Variants in JAZF1 observed in about 807,000 individuals in gnomAD.
JAZF1 encodes the protein JAZF zinc finger 1, also known as juxtaposed with another zinc finger protein 1.
In JAZF1, 8 loss-of-function variants were observed where a neutral mutation model predicts 26.4. The observed-to-expected ratio is 0.30, with a 90% CI of 0.18 to 0.55. The LOEUF (loss-of-function observed/expected upper bound fraction) is 0.55. Ranked by LOEUF, JAZF1 falls within the 20% of genes least tolerant of loss-of-function variation. The pLI, the probability that JAZF1 is intolerant of heterozygous loss-of-function variation, is 0.94. For synonymous variants in JAZF1, 126 were observed against 122.3 expected (o/e 1.03, Z -0.20); for missense variants, 199 against 322.0 (o/e 0.62, Z 2.92).
chr7:28,144,284 T>C (rs1321175326), intron 1 of JAZF1, among the ~76,000 whole-genome samples: 2 of 152,158 alleles, frequency 1.3e-5, no homozygotes, highest in Non-Finnish European at 2.9e-5. Flanking sequence ...CTCCAAAAGG[T>C]TGACATATTA....
At chr7:28,063,034 A>G (rs917759677) in intron 1 of JAZF1, among the ~76,000 whole-genome samples, 52 of 152,336 alleles carry the variant, frequency 3.4e-4, no homozygotes, top group African/African-American at 1.2e-3. Context: ...GAAAACATCT[A>G]AGCTTATTTT....
At chr7:27,969,141 C>T (rs1298147659) in intron 2 of JAZF1, among the ~76,000 whole-genome samples, 1 of 152,150 alleles carries the variant, frequency 6.6e-6, no homozygotes, top group Non-Finnish European at 1.5e-5. Context: ...TTCTGAGAGA[C>T]ACAACTATTG....
intron 1 of JAZF1, among the ~76,000 whole-genome samples, chr7:28,055,056 C>T (rs187962685): frequency 4.6e-5 from 7 of 152,052 alleles, no homozygotes; most frequent in Admixed American, 3.9e-4. Flanking sequence ...ACTTAGAATT[C>T]GTGTACTACA....
intron 2 of JAZF1, among the ~76,000 whole-genome samples, chr7:27,924,993 G>T (rs890671236): frequency 6.6e-6 from 1 of 152,082 alleles, no homozygotes; most frequent in Non-Finnish European, 1.5e-5. Context: ...TTAAAAATAG[G>T]GTTATTCCCT....
At chr7:28,102,853 A>G (rs1481429869) in intron 1 of JAZF1, among the ~76,000 whole-genome samples, 3 of 152,218 alleles carry the variant, frequency 2.0e-5, no homozygotes, top group African/African-American at 4.8e-5. Flanking sequence ...TAGTACAAAC[A>G]CAATACCACC....
Position 28,126,289 on chromosome 7 carries a change from G to T in JAZF1, c.115+54174C>A, listed in dbSNP as rs535038106. 2.6e-5 allele frequency among the ~76,000 whole-genome samples: 4 copies of T among 152,318 alleles called. No homozygotes were observed. The South Asian group carries it at 8.3e-4, about 32-fold the overall frequency. On this transcript the variant is annotated intron_variant, in intron 1 of 4. Coordinates refer to ENST00000283928, the MANE Select transcript of JAZF1 (RefSeq NM_175061.4). The stretch of plus-strand genomic sequence containing the variant: ...ATGATCTTAGGGAGCTGGAGACACA[G>T]AAGTGAATTAGAAAAAGTTCCTACT...
chr7:28,095,193 C>G (rs1001402957), intron 1 of JAZF1, among the ~76,000 whole-genome samples: 1 of 152,214 alleles, frequency 6.6e-6, no homozygotes, highest in Non-Finnish European at 1.5e-5. Context: ...AATCATTCTA[C>G]ATATTTGTTC....
chr7:27,922,546 G>A (rs918076732), intron 2 of JAZF1, among the ~76,000 whole-genome samples: 2 of 152,144 alleles, frequency 1.3e-5, no homozygotes, highest in South Asian at 2.1e-4. Flanking sequence ...ACCGCGCCAG[G>A]CCTTATAAAA....
chr7:28,070,357 C>T (rs1425938977), intron 1 of JAZF1, among the ~76,000 whole-genome samples: 7 of 152,160 alleles, frequency 4.6e-5, no homozygotes, highest in Non-Finnish European at 8.8e-5. Flanking sequence ...AAGTTGAAAA[C>T]ATACATGTGG....
intron 3 of JAZF1, among the ~76,000 whole-genome samples, chr7:27,859,868 A>G (rs1255410949): frequency 5.9e-5 from 9 of 152,222 alleles, no homozygotes; most frequent in Non-Finnish European, 1.5e-5. Flanking sequence ...AAAGTATAAT[A>G]AAAAAAGAAA....
At chr7:28,024,266 G>A (rs1232526046) in intron 1 of JAZF1, among the ~76,000 whole-genome samples, 4 of 152,166 alleles carry the variant, frequency 2.6e-5, no homozygotes, top group Non-Finnish European at 5.9e-5. Flanking sequence ...CCACATTCCA[G>A]TTTGGGTGAT....
At chr7:27,898,070 T>C (rs984002853) in intron 2 of JAZF1, among the ~76,000 whole-genome samples, 3 of 152,138 alleles carry the variant, frequency 2.0e-5, no homozygotes, top group African/African-American at 7.2e-5. Flanking sequence ...GTTATGTCTC[T>C]ATATTTTGTC....
intron 2 of JAZF1, among the ~76,000 whole-genome samples, chr7:27,906,378 G>A (rs1784258987): frequency 6.6e-6 from 1 of 152,164 alleles, no homozygotes. Flanking sequence ...TTTTAAACCA[G>A]TAGTATCTTT....
intron 3 of JAZF1, among the ~76,000 whole-genome samples, chr7:27,857,410 A>G (rs912713362): frequency 1.3e-5 from 2 of 152,146 alleles, no homozygotes; most frequent in African/African-American, 4.8e-5. Flanking sequence ...ACCTCCCCAC[A>G]AGCTGAGGAA....
chr7:27,977,931 C>T (rs980227787), intron 2 of JAZF1, among the ~76,000 whole-genome samples: 1 of 152,170 alleles, frequency 6.6e-6, no homozygotes, highest in Admixed American at 6.5e-5. Flanking sequence ...TGGTCTTGCA[C>T]TACTTATTGT....
At chr7:27,888,497 C>T (rs1674599910) in intron 3 of JAZF1, among the ~76,000 whole-genome samples, 1 of 152,138 alleles carries the variant, frequency 6.6e-6, no homozygotes, top group Admixed American at 6.6e-5. Context: ...ACCTCAACTC[C>T]ATTCAGATAG....
intron 2 of JAZF1, among the ~76,000 whole-genome samples, chr7:27,904,828 T>A (rs1467805329): frequency 1.3e-5 from 2 of 152,242 alleles, no homozygotes; most frequent in African/African-American, 4.8e-5. Flanking sequence ...ACCTTTACAA[T>A]GGTTGTGGAT....
At chr7:28,017,469 G>A (rs1024211093) in intron 1 of JAZF1, among the ~76,000 whole-genome samples, 4 of 151,646 alleles carry the variant, frequency 2.6e-5, no homozygotes, top group Non-Finnish European at 4.4e-5. Flanking sequence ...GCATAGGATT[G>A]TACATACTGT....
chr7:28,100,363 C>T (rs1784454328), intron 1 of JAZF1, among the ~76,000 whole-genome samples: 1 of 151,866 alleles, frequency 6.6e-6, no homozygotes, highest in Non-Finnish European at 1.5e-5. Context: ...CACTGCAAAT[C>T]CAAATCAAAA....
Sources: allele counts gnomAD v4.1 joint callset (sites outside exome capture counted in the v4.1 genomes callset), GRCh38; gene constraint gnomAD v4.1.1; transcripts MANE v1.5; gene names NCBI Gene and HGNC (gene_info 2026-07-23, HGNC 2026-07-21).